DCLK1: variants seen among roughly 807,000 people sequenced by gnomAD.
The protein encoded by DCLK1 is doublecortin like kinase 1.
DCLK1 carries 16 observed loss-of-function variants against 86.2 expected under a neutral mutation model. The observed-to-expected ratio is 0.19, with a 90% confidence interval of 0.13 to 0.28. DCLK1 has a LOEUF of 0.28. Among genes scored for constraint, DCLK1 ranks in the 10% least tolerant of loss-of-function variants. DCLK1 has a pLI of 1.00. For missense variants in DCLK1, 590 were observed against 940.2 expected, an observed-to-expected ratio of 0.63 and a Z score of 4.87; for synonymous variants, 369 against 370.5, an observed-to-expected ratio of 1.00 and a Z score of 0.05.
intron 16 of DCLK1, among the ~76,000 whole-genome samples, chr13:35,785,883 G>A (rs768746461): frequency 3.3e-5 from 5 of 152,162 alleles, no homozygotes; most frequent in African/African-American, 4.8e-5. Flanking sequence ...GAGCGTGTAC[G>A]TTCTGGGGCT....
intron 4 of DCLK1, among the ~76,000 whole-genome samples, chr13:35,930,743 G>A (rs1353930529): frequency 6.6e-6 from 1 of 152,196 alleles, no homozygotes; most frequent in African/African-American, 2.4e-5. Flanking sequence ...CAGTGTGAAA[G>A]GTAAAATGAA....
intron 3 of DCLK1, among the ~76,000 whole-genome samples, chr13:36,038,759 A>G (rs1882597694): frequency 6.6e-6 from 1 of 152,208 alleles, no homozygotes; most frequent in African/African-American, 2.4e-5. Context: ...CTTTAATACT[A>G]CAACAATTAG....
intron 2 of DCLK1, among the ~76,000 whole-genome samples, chr13:36,125,380 T>C (rs1886132398): frequency 6.6e-6 from 1 of 152,192 alleles, no homozygotes; most frequent in Non-Finnish European, 1.5e-5. Flanking sequence ...ATGATCCATT[T>C]GTCATTTTCA....
In DCLK1 at chr13:35,854,947, A is replaced by G. The variant is rs1870940276; in HGVS notation, c.941-354T>C. On this transcript the variant is annotated intron_variant, in intron 5 of 16. Transcript: ENST00000360631. Reference sequence around the variant, plus strand: ...AGATTAATCCTTAACTCTTCAGTTTAGCTACCTAGTACTACCCAGCAGGAA... The same window carrying G: ...AGATTAATCCTTAACTCTTCAGTTTGGCTACCTAGTACTACCCAGCAGGAA... Among the ~76,000 whole-genome samples the G allele has an allele frequency of 3.9e-5, 6 of 152,216 alleles. No homozygotes were observed. In the South Asian group the frequency reaches 1.2e-3, roughly 32 times the overall value.
intron 3 of DCLK1, among the ~76,000 whole-genome samples, chr13:36,105,874 T>A (rs1180545519): frequency 1.3e-5 from 2 of 152,024 alleles, no homozygotes; most frequent in Non-Finnish European, 2.9e-5. Context: ...CTTTCCATCA[T>A]CCCAACATGC....
At chr13:35,991,569 T>C (rs1880228719) in intron 3 of DCLK1, among the ~76,000 whole-genome samples, 1 of 152,060 alleles carries the variant, frequency 6.6e-6, no homozygotes, top group Admixed American at 6.6e-5. Flanking sequence ...GAGGCTGAGC[T>C]GGGAGGATCA....
intron 15 of DCLK1, 138 bp downstream of exon 15, chr13:35,805,561 A>G (rs2087007623): frequency 1.2e-6 from 1 of 801,906 alleles, no homozygotes; most frequent in East Asian, 2.7e-5. Flanking sequence ...GGCCTCCCAA[A>G]GGGCTGAGAT....
intron 4 of DCLK1, among the ~76,000 whole-genome samples, chr13:35,897,999 A>T (rs866341974): frequency 7.9e-5 from 12 of 152,362 alleles, no homozygotes; most frequent in Middle Eastern, 6.8e-3. Flanking sequence ...GTCTTCAAAC[A>T]TATATGAAAA....
intron 11 of DCLK1, among the ~76,000 whole-genome samples, chr13:35,811,537 T>C (rs992429915): frequency 6.6e-6 from 1 of 152,160 alleles, no homozygotes; most frequent in African/African-American, 2.4e-5. Flanking sequence ...TTTGTTTCAA[T>C]ATATTAAGAA....
chr13:35,848,806 A>C (rs946426936), intron 6 of DCLK1: 1 of 985,266 alleles, frequency 1.0e-6, no homozygotes, highest in African/African-American at 1.7e-5. Context: ...AGTCAAATAC[A>C]TACTAATCTT....
At chr13:35,966,818 C>T (rs1878767828) in intron 3 of DCLK1, among the ~76,000 whole-genome samples, 1 of 152,004 alleles carries the variant, frequency 6.6e-6, no homozygotes. Flanking sequence ...CAATGTTGCC[C>T]AGGCTGGAGT....
intron 3 of DCLK1, among the ~76,000 whole-genome samples, chr13:36,039,232 A>G (rs1190839768): frequency 3.3e-5 from 5 of 152,266 alleles, no homozygotes; most frequent in African/African-American, 1.2e-4. Context: ...AGAAAACTCC[A>G]GAAATAACTC....
At chr13:36,111,653 C>G (rs530308449) in intron 3 of DCLK1, among the ~76,000 whole-genome samples, 102 of 152,244 alleles carry the variant, frequency 6.7e-4, no homozygotes, top group African/African-American at 2.4e-3. Context: ...ATTATTTAAT[C>G]TTCAAAGATA....
At chr13:35,780,765 T>A (rs894237489) in intron 16 of DCLK1, among the ~76,000 whole-genome samples, 4 of 152,204 alleles carry the variant, frequency 2.6e-5, no homozygotes, top group African/African-American at 7.2e-5. Context: ...AGATCAAGTG[T>A]GAAAGCAGAG....
chr13:36,075,708 A>C (rs1257191186), intron 3 of DCLK1, among the ~76,000 whole-genome samples: 1 of 152,184 alleles, frequency 6.6e-6, no homozygotes, highest in Non-Finnish European at 1.5e-5. Flanking sequence ...GCTTAGCTAC[A>C]GTGTAGCACT....
intron 4 of DCLK1, among the ~76,000 whole-genome samples, chr13:35,891,713 C>G (rs1325488650): frequency 6.6e-6 from 1 of 152,164 alleles, no homozygotes; most frequent in East Asian, 1.9e-4. Context: ...TGCTTTGTCA[C>G]CACACTGTCA....
chr13:36,108,048 T>G, intron 3 of DCLK1, among the ~76,000 whole-genome samples: 1 of 146,270 alleles, frequency 6.8e-6, no homozygotes, highest in Middle Eastern at 3.2e-3. Flanking sequence ...TTTTCTTCTT[T>G]GGAGGTCTTT....
chr13:35,899,451 A>G (rs1874218175), intron 4 of DCLK1, among the ~76,000 whole-genome samples: 2 of 152,060 alleles, frequency 1.3e-5, no homozygotes, highest in South Asian at 2.1e-4. Flanking sequence ...GCTATCAGCC[A>G]TGACACTGAT....
At chr13:35,777,584 T>C (rs2086445188) in intron 16 of DCLK1, among the ~76,000 whole-genome samples, 1 of 152,192 alleles carries the variant, frequency 6.6e-6, no homozygotes, top group Non-Finnish European at 1.5e-5. Flanking sequence ...TTCTCCACAT[T>C]GATGATCAGA....
Sources: allele counts gnomAD v4.1 joint callset (sites outside exome capture counted in the v4.1 genomes callset), GRCh38; gene constraint gnomAD v4.1.1; transcripts MANE v1.5; gene names NCBI Gene and HGNC (gene_info 2026-07-23, HGNC 2026-07-21).